The following UBE2E2 variants were observed in gnomAD, a reference collection of about 807,000 sequenced individuals.
The protein encoded by UBE2E2 is ubiquitin conjugating enzyme E2 E2, also known as ubiquitin-conjugating enzyme E2 E2.
In UBE2E2, 6 loss-of-function variants were observed where a neutral mutation model predicts 24.7. The ratio of observed to expected loss-of-function variants is 0.24; its 90% CI spans 0.13 to 0.48. The LOEUF (loss-of-function observed/expected upper bound fraction) is 0.48. UBE2E2 is among the 20% of genes least tolerant of loss of function. UBE2E2 has a pLI of 0.99. For missense variants in UBE2E2, 169 were observed against 245.0 expected, an observed-to-expected ratio of 0.69 and a Z score of 2.07; for synonymous variants, 104 against 83.6, an observed-to-expected ratio of 1.24 and a Z score of -1.33.
intron 4 of UBE2E2, among the ~76,000 whole-genome samples, chr3:23,505,037 C>T (rs1225523954): frequency 1.3e-5 from 2 of 150,534 alleles, no homozygotes; most frequent in African/African-American, 2.4e-5. Context: ...TCCCAAGAGG[C>T]TGGGACTACA....
intron 5 of UBE2E2, among the ~76,000 whole-genome samples, chr3:23,568,568 G>T (rs1696135677): frequency 6.7e-6 from 1 of 148,488 alleles, no homozygotes; most frequent in African/African-American, 2.5e-5. Flanking sequence ...ACAAACGCTT[G>T]TATATCTTAT....
intron 3 of UBE2E2, among the ~76,000 whole-genome samples, chr3:23,218,737 G>C (rs1163413643): frequency 2.0e-5 from 3 of 151,974 alleles, no homozygotes; most frequent in African/African-American, 7.2e-5. Context: ...TTTAATAAAT[G>C]AAATCCACAT....
chr3:23,208,672 T>C lies in UBE2E2; in HGVS notation c.-8-20T>C. The stretch of plus-strand genomic sequence containing the variant: ...TACTGTAGTACAGCTAAATAAATGA[T>C]TTTTGATTCTTTAATCCAGGATCTA... On this transcript the variant is annotated intron_variant, in intron 1 of 5. Coordinates refer to ENST00000396703, the MANE Select transcript of UBE2E2 (RefSeq NM_152653.4). 1 of 1,579,776 alleles carries C rather than the reference T, an allele frequency of 6.3e-7. No homozygotes were observed. The highest frequency in any genetic ancestry group is 8.6e-7 in the Non-Finnish European group (1 of 1,163,556).
chr3:23,284,254 G>A (rs1051149706), intron 3 of UBE2E2, among the ~76,000 whole-genome samples: 1 of 151,968 alleles, frequency 6.6e-6, no homozygotes, highest in African/African-American at 2.4e-5. Flanking sequence ...TTATTGAAGA[G>A]ACAATTTTTT....
chr3:23,346,120 A>G lies in UBE2E2; in HGVS notation c.227+128808A>G, dbSNP rs142159545. Among the ~76,000 whole-genome samples the G allele has an allele frequency of 4.5e-3, 678 of 152,256 alleles. 1 individual carries two copies. Among genetic ancestry groups the G allele is most frequent in the Admixed American group, 8.2e-3 (126 of 15,286 alleles). On this transcript the variant is annotated intron_variant, in intron 3 of 5. Coordinates refer to ENST00000396703, the MANE Select transcript of UBE2E2 (RefSeq NM_152653.4). ...TAGTTTTCGCCTTTCTTAAAAGGCA[A>G]TTTCTAAGATTGTGTTTCTTTTAAA...
intron 3 of UBE2E2, among the ~76,000 whole-genome samples, chr3:23,459,399 A>G (rs1355207785): frequency 6.6e-6 from 1 of 152,214 alleles, no homozygotes; most frequent in African/African-American, 2.4e-5. Flanking sequence ...GTTGAATTAC[A>G]CCCAAAAATA....
intron 3 of UBE2E2, among the ~76,000 whole-genome samples, chr3:23,296,377 C>T (rs930969557): frequency 6.6e-6 from 1 of 151,896 alleles, no homozygotes; most frequent in African/African-American, 2.4e-5. Flanking sequence ...AGGTTTGGTA[C>T]ATATGTATAC....
chr3:23,523,630 A>T (rs1694919165), intron 4 of UBE2E2, among the ~76,000 whole-genome samples: 1 of 149,856 alleles, frequency 6.7e-6, no homozygotes, highest in African/African-American at 2.5e-5. Flanking sequence ...GGGCTGGGGG[A>T]AGGTGGTGTT....
At chr3:23,403,579 G>T (rs1189664815) in intron 3 of UBE2E2, among the ~76,000 whole-genome samples, 1 of 152,224 alleles carries the variant, frequency 6.6e-6, no homozygotes, top group Non-Finnish European at 1.5e-5. Context: ...CCAGCACTTA[G>T]GGAGGCCAAG....
chr3:23,574,764 G>A (rs548876331), intron 5 of UBE2E2, among the ~76,000 whole-genome samples: 18 of 152,250 alleles, frequency 1.2e-4, no homozygotes, highest in Non-Finnish European at 2.1e-4. Context: ...TTAAGAAGCA[G>A]ACATAAGACT....
At chr3:23,229,718 C>G (rs1696923868) in intron 3 of UBE2E2, among the ~76,000 whole-genome samples, 1 of 152,154 alleles carries the variant, frequency 6.6e-6, no homozygotes, top group African/African-American at 2.4e-5. Flanking sequence ...CAGCACTGTC[C>G]CAGTAGGACT....
At chr3:23,535,795 G>A (rs900533282) in intron 5 of UBE2E2, among the ~76,000 whole-genome samples, 1 of 151,690 alleles carries the variant, frequency 6.6e-6, no homozygotes, top group African/African-American at 2.4e-5. Flanking sequence ...CTAATTTTTT[G>A]TATTTTTAGT....
At chr3:23,350,818 T>C (rs575273883) in intron 3 of UBE2E2, among the ~76,000 whole-genome samples, 1 of 152,186 alleles carries the variant, frequency 6.6e-6, no homozygotes, top group African/African-American at 2.4e-5. Context: ...CTCTACAGGA[T>C]ATTGTCCAGG....
intron 3 of UBE2E2, among the ~76,000 whole-genome samples, chr3:23,347,941 G>T (rs1695611241): frequency 6.6e-6 from 1 of 151,996 alleles, no homozygotes; most frequent in African/African-American, 2.4e-5. Context: ...TTTGTGGTAG[G>T]CTATAATAAA....
Position 23,335,367 on chromosome 3 carries a change from G to A in UBE2E2, c.227+118055G>A, listed in dbSNP as rs528943884. ...TTTCTATAGATTTAAATAAAGACAAGTATTTATTTTGACTAAATCACAGAC... is the reference window on the plus strand; with the variant it reads ...TTTCTATAGATTTAAATAAAGACAAATATTTATTTTGACTAAATCACAGAC... On this transcript the variant is annotated intron_variant, in intron 3 of 5. Transcript: ENST00000396703. Among the ~76,000 whole-genome samples the A allele has an allele frequency of 2.0e-5, 3 of 152,240 alleles. No individual in the cohort carries two copies. The South Asian group carries it at 6.2e-4, about 32-fold the overall frequency.
At chr3:23,311,688 G>C (rs1016056556) in intron 3 of UBE2E2, among the ~76,000 whole-genome samples, 18 of 152,104 alleles carry the variant, frequency 1.2e-4, no homozygotes, top group African/African-American at 4.3e-4. Flanking sequence ...CTTAGATATA[G>C]TTGAAACAAT....
intron 3 of UBE2E2, among the ~76,000 whole-genome samples, chr3:23,255,280 G>A (rs931747494): frequency 5.4e-5 from 8 of 149,350 alleles, no homozygotes; most frequent in East Asian, 2.0e-4. Context: ...TTTTGGTAAC[G>A]ATAGGGTTTT....
At chr3:23,250,998 C>A (rs1033329906) in intron 3 of UBE2E2, among the ~76,000 whole-genome samples, 4 of 152,188 alleles carry the variant, frequency 2.6e-5, no homozygotes, top group African/African-American at 9.7e-5. Context: ...GCTGGGACTA[C>A]AGGTGCATGC....
At chr3:23,436,564 AT>A (rs35403338) in intron 3 of UBE2E2, among the ~76,000 whole-genome samples, 33 of 148,860 alleles carry the variant, frequency 2.2e-4, no homozygotes, top group East Asian at 3.9e-4. Context: ...TTTACAGAAG[AT>A]TTTTTTTTTT....
Sources: gnomAD v4.1 joint callset for allele counts (sites outside exome capture counted in the v4.1 genomes callset) on GRCh38, gnomAD v4.1.1 for gene constraint, MANE v1.5 for transcripts, NCBI Gene and HGNC (gene_info 2026-07-23, HGNC 2026-07-21) for gene names.